DST: variants seen among roughly 807,000 people sequenced by gnomAD.
DST encodes bullous pemphigoid antigen.
Under a neutral mutation model 875.2 loss-of-function variants are expected in DST, and 253 were observed. That is an observed-to-expected ratio of 0.29 (90% CI 0.26 to 0.32). DST has a LOEUF of 0.32. DST is among the 10% of genes least tolerant of loss of function. The probability of loss-of-function intolerance (pLI) is 1.00; values close to 1 mark genes in which losing one functional copy is unlikely to be tolerated. For missense variants in DST, 8,287 were observed against 9,111.6 expected, an observed-to-expected ratio of 0.91 and a Z score of 3.68; for synonymous variants, 3,124 against 3,197.1, an observed-to-expected ratio of 0.98 and a Z score of 0.77.
chr6:56,554,440 A>T (rs529823826), intron 60 of DST, among the ~76,000 whole-genome samples: 2 of 152,296 alleles, frequency 1.3e-5, no homozygotes, highest in African/African-American at 4.8e-5. Context: ...TAAAAACTAC[A>T]TGAGTTTGTA....
intron 4 of DST, among the ~76,000 whole-genome samples, chr6:56,826,512 T>C (rs2099780638): frequency 6.6e-6 from 1 of 152,204 alleles, no homozygotes; most frequent in South Asian, 2.1e-4. Context: ...AGCTAACCAC[T>C]CTTAAGTTTG....
At chr6:56,868,975 T>C (rs1359929880) in intron 3 of DST, among the ~76,000 whole-genome samples, 1 of 152,220 alleles carries the variant, frequency 6.6e-6, no homozygotes. Context: ...ATTGGCTAAA[T>C]GTACTGCACA....
chr6:56,877,290 C>T (rs1462574648), intron 3 of DST, among the ~76,000 whole-genome samples: 6 of 152,212 alleles, frequency 3.9e-5, no homozygotes, highest in South Asian at 2.1e-4. Flanking sequence ...CAGTGGCTCA[C>T]GCCTGTAATC....
intron 9 of DST, among the ~76,000 whole-genome samples, chr6:56,686,788 C>T (rs2099190258): frequency 6.6e-6 from 1 of 152,168 alleles, no homozygotes; most frequent in Non-Finnish European, 1.5e-5. Flanking sequence ...ATTCTTTCTA[C>T]TTAAAGGATG....
rs569720306 is a variant in DST, at chr6:56,731,162, G to A, written c.687+4066C>T. On this transcript the variant is annotated intron_variant, in intron 5 of 103. Coordinates refer to ENST00000680361, the MANE Select transcript of DST (RefSeq NM_001374736.1). ...CAGCAGTGGTTGAAGGCCAGGCTGA[G>A]GGCTAGGTGTCATCCACTGAGACTA... Among the ~76,000 whole-genome samples the A allele has an allele frequency of 3.3e-5, 5 of 152,302 alleles. No homozygotes were observed. In the South Asian group the frequency reaches 1.0e-3, roughly 32 times the overall value.
At chr6:56,485,187 T>G (rs2095521076) in intron 88 of DST, 125 bp downstream of exon 88, 1 of 1,056,924 alleles carries the variant, frequency 9.5e-7, no homozygotes, top group Non-Finnish European at 1.4e-6. Context: ...ATTTCAACAA[T>G]AAAGACTGTT....
chr6:56,794,122 G>C (rs938795150), intron 4 of DST, among the ~76,000 whole-genome samples: 1 of 152,170 alleles, frequency 6.6e-6, no homozygotes, highest in Admixed American at 6.5e-5. Context: ...ATTGCAGCAT[G>C]ATCTGCCACC....
intron 4 of DST, among the ~76,000 whole-genome samples, chr6:56,829,401 T>TAATGTACTCCTTGATTG (rs1353653857): frequency 1.3e-5 from 2 of 152,200 alleles, no homozygotes; most frequent in African/African-American, 4.8e-5. Flanking sequence ...CAGATAAATC[T>TAATGTACTCCTTGATTG]AATGCCCCAA....
Position 56,757,508 on chromosome 6 carries a change from A to G in DST, c.626-22219T>C, listed in dbSNP as rs2099607067. Among the ~76,000 whole-genome samples the G allele has an allele frequency of 1.3e-5, 2 of 152,192 alleles. 1 individual carries two copies. Among genetic ancestry groups the G allele is most frequent in the South Asian group, 4.1e-4 (2 of 4,830 alleles). On this transcript the variant is annotated intron_variant, in intron 4 of 103. Coordinates refer to ENST00000680361, the MANE Select transcript of DST (RefSeq NM_001374736.1). ...TGGACTCACAGCTGTGAGCTGTGCT[A>G]CATTTCCTAGTAAAAGAAACCCTGA...
At chr6:56,808,401 G>C (rs373109545) in intron 4 of DST, among the ~76,000 whole-genome samples, 10 of 152,006 alleles carry the variant, frequency 6.6e-5, no homozygotes, top group Admixed American at 3.3e-4. Context: ...AACATGAAAA[G>C]TTTGAAATAA....
Position 56,631,404 on chromosome 6 carries a change from A to C in DST, c.3964-15T>G, listed in dbSNP as rs188543246. On this transcript the variant is annotated splice_polypyrimidine_tract_variant and intron_variant, in intron 29 of 103. Coordinates refer to ENST00000680361, the MANE Select transcript of DST (RefSeq NM_001374736.1). ...TTCTTTAGTTTCTATAAAACAGAGA[A>C]CAAACAAAGGTATCAGGCCATCACC... 171 of 1,611,878 alleles carry C rather than the reference A, an allele frequency of 1.1e-4. No individual in the cohort carries two copies. The Admixed American group carries it at 2.8e-3, about 26-fold the overall frequency.
intron 5 of DST, among the ~76,000 whole-genome samples, chr6:56,706,049 C>A (rs915001899): frequency 6.6e-6 from 1 of 152,196 alleles, no homozygotes; most frequent in African/African-American, 2.4e-5. Context: ...GTGGCTCACA[C>A]CTGTACTTCC....
At chr6:56,470,438 G>A (rs573135053) in intron 95 of DST, among the ~76,000 whole-genome samples, 156 bp from the exon 96 acceptor site, 2 of 152,158 alleles carry the variant, frequency 1.3e-5, no homozygotes, top group South Asian at 4.2e-4. Context: ...CACAGCAAAT[G>A]AAGAGTTATA....
chr6:56,930,621 T>C (rs1809686860), intron 2 of DST, among the ~76,000 whole-genome samples: 1 of 152,348 alleles, frequency 6.6e-6, no homozygotes, highest in South Asian at 2.1e-4. Context: ...AGTATCCACT[T>C]GAAGCTAAGA....
intron 9 of DST, chr6:56,692,831 C>A: frequency 7.8e-7 from 1 of 1,289,826 alleles, no homozygotes; most frequent in Non-Finnish European, 1.0e-6. Flanking sequence ...TTCTGTTTAA[C>A]GCTGTCAGCT....
intron 27 of DST, among the ~76,000 whole-genome samples, chr6:56,633,387 C>G (rs1210172887): frequency 6.6e-6 from 1 of 150,896 alleles, no homozygotes; most frequent in South Asian, 2.1e-4. Context: ...CCACTACGCC[C>G]GGCTAATTTT....
intron 10 of DST, among the ~76,000 whole-genome samples, chr6:56,663,357 G>A (rs958732654): frequency 4.6e-5 from 7 of 152,204 alleles, no homozygotes; most frequent in Admixed American, 4.6e-4. Context: ...TTCTACACAA[G>A]CTGAAATACT....
At chr6:56,672,792 T>C (rs1303193844) in intron 9 of DST, among the ~76,000 whole-genome samples, 5 of 152,262 alleles carry the variant, frequency 3.3e-5, no homozygotes, top group East Asian at 1.9e-4. Context: ...GTTGTAGTTA[T>C]TGTTATTCTT....
At chr6:56,885,438 G>C (rs1283100450) in intron 3 of DST, among the ~76,000 whole-genome samples, 1 of 152,098 alleles carries the variant, frequency 6.6e-6, no homozygotes, top group Non-Finnish European at 1.5e-5. Context: ...TTCCCACCAA[G>C]AGTGCACAAG....
Sources: allele counts gnomAD v4.1 joint callset (sites outside exome capture counted in the v4.1 genomes callset), GRCh38; gene constraint gnomAD v4.1.1; transcripts MANE v1.5; gene names NCBI Gene and HGNC (gene_info 2026-07-23, HGNC 2026-07-21).